Variants in FOXP1 observed in about 807,000 individuals in gnomAD.
FOXP1 encodes forkhead box P1.
Under a neutral mutation model 98.2 loss-of-function variants are expected in FOXP1, and 15 were observed. The observed-to-expected ratio is 0.15, with a 90% CI of 0.10 to 0.24. FOXP1 has a LOEUF of 0.24. Among genes scored for constraint, FOXP1 ranks in the 10% least tolerant of loss-of-function variants. The pLI is 1.00. For missense variants in FOXP1, 633 were observed against 848.5 expected (o/e 0.75, Z 3.15); for synonymous variants, 371 against 314.5 (o/e 1.18, Z -1.90).
intron 3 of FOXP1, among the ~76,000 whole-genome samples, chr3:71,410,212 T>C (rs1048534219): frequency 2.0e-5 from 3 of 152,194 alleles, no homozygotes; most frequent in Admixed American, 6.5e-5. Context: ...TGTCACAAAA[T>C]TGTACCTACG....
chr3:71,123,315 G>A (rs1323180920), intron 6 of FOXP1, among the ~76,000 whole-genome samples: 5 of 152,158 alleles, frequency 3.3e-5, no homozygotes, highest in African/African-American at 1.2e-4. Flanking sequence ...CGGACAGGAA[G>A]GAATTAACAA....
chr3:71,131,512 G>C (rs1206345210), intron 6 of FOXP1, among the ~76,000 whole-genome samples: 1 of 152,036 alleles, frequency 6.6e-6, no homozygotes, highest in Non-Finnish European at 1.5e-5. Flanking sequence ...ATTTAGCATG[G>C]AATGCTGGAC....
At chr3:71,114,248 C>G (rs1003486160) in intron 6 of FOXP1, among the ~76,000 whole-genome samples, 8 of 151,980 alleles carry the variant, frequency 5.3e-5, no homozygotes, top group Admixed American at 3.9e-4. Context: ...TGGATATTTA[C>G]AAGAAAAGTT....
intron 7 of FOXP1, among the ~76,000 whole-genome samples, chr3:71,092,552 G>A (rs535618585): frequency 6.6e-6 from 1 of 152,302 alleles, no homozygotes. Context: ...GCAAACCTTA[G>A]ATGGAAGGAA....
chr3:71,445,901 G>T (rs2086369298), intron 3 of FOXP1, among the ~76,000 whole-genome samples: 1 of 152,064 alleles, frequency 6.6e-6, no homozygotes, highest in Non-Finnish European at 1.5e-5. Flanking sequence ...TGGCCAGTCT[G>T]GTCTCAAACT....
intron 13 of FOXP1, among the ~76,000 whole-genome samples, chr3:70,989,582 ATTAT>A (rs2040288179): frequency 6.7e-6 from 1 of 148,982 alleles, no homozygotes; most frequent in East Asian, 2.6e-4. Context: ...TGCCATTATT[ATTAT>A]TTTTTTTAAA....
At chr3:71,001,183 G>A (rs914374769) in intron 12 of FOXP1, 124 bp from the exon 13 acceptor site, 1 of 721,304 alleles carries the variant, frequency 1.4e-6, no homozygotes, top group East Asian at 2.7e-5. Flanking sequence ...TAGTCCAGGG[G>A]GTGGCCTGTC....
At chr3:71,341,342 C>T (rs2076994090) in intron 4 of FOXP1, among the ~76,000 whole-genome samples, 1 of 152,162 alleles carries the variant, frequency 6.6e-6, no homozygotes, top group Non-Finnish European at 1.5e-5. Flanking sequence ...AAACTATACA[C>T]TCCTATATAA....
At chr3:71,424,058 C>T (rs1404066392) in intron 3 of FOXP1, among the ~76,000 whole-genome samples, 1 of 152,200 alleles carries the variant, frequency 6.6e-6, no homozygotes, top group East Asian at 1.9e-4. Flanking sequence ...CCTCCCAAGT[C>T]GCTGGATTAT....
chr3:71,037,494 C>T (rs1189705341), intron 11 of FOXP1, among the ~76,000 whole-genome samples: 3 of 152,004 alleles, frequency 2.0e-5, no homozygotes, highest in Non-Finnish European at 4.4e-5. Context: ...TGTCTGTTTC[C>T]CTAAGAAGTC....
intron 3 of FOXP1, among the ~76,000 whole-genome samples, chr3:71,403,229 C>T (rs552307420): frequency 1.3e-5 from 2 of 152,304 alleles, no homozygotes; most frequent in South Asian, 4.1e-4. Context: ...CTCTTCCAGT[C>T]TGATGTAGTG....
chr3:70,964,807 T>C (rs1014332883), intron 20 of FOXP1, among the ~76,000 whole-genome samples: 1 of 152,182 alleles, frequency 6.6e-6, no homozygotes, highest in African/African-American at 2.4e-5. Flanking sequence ...GAGATGAAAC[T>C]CAAATGCTAG....
intron 1 of FOXP1, 134 bp from the exon 2 acceptor site, chr3:71,581,831 G>A (rs191677031): frequency 2.1e-4 from 203 of 986,232 alleles, no homozygotes; most frequent in Non-Finnish European, 2.3e-4. Flanking sequence ...GAGGACCCGC[G>A]AGTGCGCGTG....
chr3:71,333,346 C>G (rs565244621), intron 4 of FOXP1: 1 of 151,440 alleles, frequency 6.6e-6, no homozygotes, highest in Non-Finnish European at 1.5e-5. Flanking sequence ...ATCACTTTCA[C>G]GTAAAAATGA....
At position 71,167,980 on chromosome 3, in the gene FOXP1, T is replaced by A. The variant is rs1453607179; in HGVS notation, c.180+30222A>T. On this transcript the variant is annotated intron_variant, in intron 6 of 20. Coordinates refer to ENST00000649528, the MANE Select transcript of FOXP1 (RefSeq NM_001349338.3). ...GTCCAAACTGAGCCAGTAAACAGCC[T>A]TAAGTTATTCTTTGAGATTTGTATG... Among the ~76,000 whole-genome samples the A allele has an allele frequency of 2.0e-5, 3 of 152,210 alleles. No individual in the cohort carries two copies. The East Asian group carries it at 5.8e-4, about 29-fold the overall frequency.
At chr3:71,567,561 C>T (rs1398019388) in intron 2 of FOXP1, among the ~76,000 whole-genome samples, 2 of 152,138 alleles carry the variant, frequency 1.3e-5, no homozygotes, top group Non-Finnish European at 2.9e-5. Flanking sequence ...TGGACTTATA[C>T]CCTTAGGGAA....
intron 9 of FOXP1, among the ~76,000 whole-genome samples, chr3:71,048,556 A>G (rs2049364019): frequency 6.6e-6 from 1 of 152,230 alleles, no homozygotes; most frequent in Non-Finnish European, 1.5e-5. Flanking sequence ...AAATTTAAAT[A>G]AATTTAAATG....
At chr3:71,063,206 G>A (rs1455825356) in intron 7 of FOXP1, among the ~76,000 whole-genome samples, 1 of 152,260 alleles carries the variant, frequency 6.6e-6, no homozygotes, top group Non-Finnish European at 1.5e-5. Flanking sequence ...TCACTGAAAT[G>A]TGTCAGGCAG....
intron 5 of FOXP1, among the ~76,000 whole-genome samples, chr3:71,281,672 C>T (rs553604809): frequency 6.6e-6 from 1 of 152,340 alleles, no homozygotes; most frequent in South Asian, 2.1e-4. Context: ...ACCTCACAAA[C>T]AGCCCTGGAA....
Sources: allele counts gnomAD v4.1 joint callset (sites outside exome capture counted in the v4.1 genomes callset), GRCh38; gene constraint gnomAD v4.1.1; transcripts MANE v1.5; gene names NCBI Gene and HGNC (gene_info 2026-07-23, HGNC 2026-07-21).